The following HOXA1 variants were observed in gnomAD, a reference collection of about 807,000 sequenced individuals.
HOXA1 encodes homeobox A1.
Under a neutral mutation model 28.3 loss-of-function variants are expected in HOXA1, and 21 were observed. The ratio of observed to expected loss-of-function variants is 0.74; its 90% confidence interval spans 0.53 to 1.07. The LOEUF (loss-of-function observed/expected upper bound fraction) is 1.07. Among genes scored for constraint, HOXA1 ranks in the 50% least tolerant of loss-of-function variants. The probability of loss-of-function intolerance (pLI) is 0.00; values close to 1 mark genes in which losing one functional copy is unlikely to be tolerated. For missense variants in HOXA1, 446 were observed against 434.3 expected, an observed-to-expected ratio of 1.03 and a Z score of -0.24; for synonymous variants, 208 against 181.2, an observed-to-expected ratio of 1.15 and a Z score of -1.19.
chr7:27,094,748 T>C lies in HOXA1; in HGVS notation c.700A>G (p.Thr234Ala), dbSNP rs1397442564. 2 of 1,613,968 alleles carry C rather than the reference T, an allele frequency of 1.2e-6. No homozygotes were observed. ...GTGAGCTGCTTGGTAGTGAAGTTGG[T>C]GCGCACCGCGTTGGGTTGACCCAGG... ...GYLGQPNAVR[T>A]NFTTKQLTEL... Residue 234 changes from threonine to alanine, a missense_variant, in exon 2 of 2, where the codon ACC becomes GCC. Physicochemically the swap from Thr to Ala is moderately conservative, Grantham distance 58. Transcript: ENST00000643460.
intron 1 of HOXA1, among the ~76,000 whole-genome samples, chr7:27,095,040 C>T (rs544078580): frequency 6.6e-6 from 1 of 152,206 alleles, no homozygotes; most frequent in South Asian, 2.1e-4. Flanking sequence ...ATAACCACCC[C>T]CACATACTTC....
At position 27,095,561 on chromosome 7, in the gene HOXA1, C is replaced by T; in HGVS notation, c.352G>A (p.Asp118Asn). Reference sequence around the variant, plus strand: ...CACTGGGGGTACCCACCACTTACGTCTGCTTCCTGATTTAACGCGTAGGGG... The same window carrying T: ...CACTGGGGGTACCCACCACTTACGTTTGCTTCCTGATTTAACGCGTAGGGG... ...YSPYALNQEA[D>N]VSGGYPQCAP... The change falls in exon 1 of 2, where the codon GAC becomes AAC. Residue 118 changes from aspartate to asparagine, a missense_variant. By Grantham distance (23) the Asp-to-Asn change is conservative. Coordinates refer to ENST00000643460, the MANE Select transcript of HOXA1 (RefSeq NM_005522.5). 6.2e-7 allele frequency: 1 copy of T among 1,614,182 alleles called. No individual in the cohort carries two copies. Among genetic ancestry groups the T allele is most frequent in the South Asian group, 1.1e-5 (1 of 91,082 alleles).
rs761181029 is a variant in HOXA1 at position 27,095,534 on chromosome 7, C to G, written c.379G>C (p.Ala127Pro). ...AGATTTCCAGAGTAAACAGCGGGAG[C>G]GCACTGGGGGTACCCACCACTTACG... ...ADVSGGYPQCAPAVYSGNLSS... is the reference protein window; with the variant it reads ...ADVSGGYPQCPPAVYSGNLSS... Residue 127 changes from alanine (A) to proline (P), a missense_variant, in exon 1 of 2, where the codon GCT (alanine) becomes CCT (proline). Physicochemically the swap from Ala to Pro is conservative, Grantham distance 27. Transcript: ENST00000643460. 1.4e-5 allele frequency: 22 copies of G among 1,613,966 alleles called. No homozygotes were observed. In the South Asian group the frequency reaches 2.2e-4, roughly 16 times the overall value.
chr7:27,095,942 C>G lies in HOXA1; in HGVS notation c.-30G>C, dbSNP rs752271771. ...CACTGAGTGACCTGGTCCTGCGAAG[C>G]CCGGCGTGACTGTGCCAACTTTCTC... On this transcript the variant is annotated 5_prime_UTR_variant, in exon 1 of 2. Transcript: ENST00000643460. The G allele has an allele frequency of 2.5e-5, 40 of 1,606,534 alleles. No homozygotes were observed. The South Asian group carries it at 4.4e-4, about 18-fold the overall frequency.
Position 27,095,703 on chromosome 7 carries a change from G to A in HOXA1, c.210C>T (p.His70=), listed in dbSNP as rs199620262. The change falls in exon 1 of 2, where the codon CAC becomes CAT. Residue 70 remains histidine, a synonymous_variant. Transcript: ENST00000643460. ...TAGCCGGCTGGGGGTGGCGATGGTG[G>A]TGGTGGTGGTGGTGGTGGGGCGAAC... ...QIGSPHHHHH[H]HHRHPQPATY... is the part of the protein sequence containing the mutation. 841 of 1,567,694 alleles carry A rather than the reference G, an allele frequency of 5.4e-4. 4 individuals are homozygous for A. Among genetic ancestry groups the A allele is most frequent in the East Asian group, 3.7e-3 (160 of 43,814 alleles).
chr7:27,095,754 G>A lies in HOXA1; in HGVS notation c.159C>T (p.Phe53=). 1 of 1,613,150 alleles carries A rather than the reference G, an allele frequency of 6.2e-7. No individual in the cohort carries two copies. Among genetic ancestry groups the A allele is most frequent in the Non-Finnish European group, 8.5e-7 (1 of 1,179,508 alleles). ...CGATCTGCACCCCCCTGCCCACTAG[G>A]AAGCGGTCGTCGCCGCCGCAACTGT... The part of the protein sequence containing the change: ...SANSCGGDDR[F]LVGRGVQIGS... Residue 53 remains phenylalanine, a synonymous_variant, in exon 1 of 2, where the codon TTC becomes TTT. Transcript: ENST00000643460.
At position 27,095,917 on chromosome 7, in the gene HOXA1, C is replaced by A; in HGVS notation, c.-5G>T. On this transcript the variant is annotated 5_prime_UTR_variant, in exon 1 of 2. An upstream open reading frame in the 5' UTR loses its in-frame stop. Coordinates refer to ENST00000643460, the MANE Select transcript of HOXA1 (RefSeq NM_005522.5). ...GTTCATTCTTGCATTGTCCATCTGT[C>A]ACTGAGTGACCTGGTCCTGCGAAGC... is the stretch of plus-strand genomic sequence containing the variant. 2 of 1,613,038 alleles carry A rather than the reference C, an allele frequency of 1.2e-6. No individual in the cohort carries two copies.
Position 27,095,490 on chromosome 7 carries a change from C to T in HOXA1, c.423G>A (p.Gln141=), listed in dbSNP as rs1299300346. ...CATAACCCTGGTGGTGGTGGTGATGCTGGACCATGGGAGATGAGAGATTTC... is the reference window on the plus strand; with the variant it reads ...CATAACCCTGGTGGTGGTGGTGATGTTGGACCATGGGAGATGAGAGATTTC... The part of the protein sequence containing the change: ...YSGNLSSPMV[Q]HHHHHQGYAG... The change falls in exon 1 of 2, where the codon CAG becomes CAA. Residue 141 remains glutamine, a synonymous_variant. Transcript: ENST00000643460. 8 of 1,613,906 alleles carry T rather than the reference C, an allele frequency of 5.0e-6. No individual in the cohort carries two copies. Among genetic ancestry groups the T allele is most frequent in the Non-Finnish European group, 5.9e-6 (7 of 1,179,994 alleles).
At position 27,093,580 on chromosome 7, in the gene HOXA1, A is replaced by C. The variant is rs1453788931; in HGVS notation, c.*860T>G. ...ATTGAGCTGAAAATACATTATATCCAGCTAAGATAACTGTGGAAGGAAGAA... is the reference window on the plus strand; with the variant it reads ...ATTGAGCTGAAAATACATTATATCCCGCTAAGATAACTGTGGAAGGAAGAA... On this transcript the variant is annotated 3_prime_UTR_variant, in exon 2 of 2. Transcript: ENST00000643460. 6.6e-6 allele frequency: 1 copy of C among 152,648 alleles called. No individual in the cohort carries two copies. Among genetic ancestry groups the C allele is most frequent in the Non-Finnish European group, 1.5e-5 (1 of 68,038 alleles). 9.5% of individuals were successfully genotyped at this position (152,648 alleles called of 1,614,324 possible). A position where few individuals can be genotyped will look rare whatever the true frequency, so the allele number is the denominator to read the frequency against.
intron 1 of HOXA1, 162 bp downstream of exon 1, chr7:27,095,099 C>G: frequency 1.3e-6 from 1 of 776,248 alleles, no homozygotes; most frequent in African/African-American, 1.7e-5. Flanking sequence ...ATCCCTGAGA[C>G]TTCTTTGCCC....
chr7:27,094,410 C>G lies in HOXA1; in HGVS notation c.*30G>C, dbSNP rs767366254. 3 of 1,470,346 alleles carry G rather than the reference C, an allele frequency of 2.0e-6. No homozygotes were observed. In the South Asian group the frequency reaches 3.4e-5, roughly 17 times the overall value. 91.1% of individuals were successfully genotyped at this position (1,470,346 alleles called of 1,614,324 possible). On this transcript the variant is annotated 3_prime_UTR_variant, in exon 2 of 2. Coordinates refer to ENST00000643460, the MANE Select transcript of HOXA1 (RefSeq NM_005522.5). The stretch of plus-strand genomic sequence containing the variant: ...TAAGAAGTCCCAGCCCAAGGAGATG[C>G]CTGGGCTGTTGTCTGGGGCTGGAGC...
Position 27,095,352 on chromosome 7 carries a change from G to T in HOXA1, c.561C>A (p.His187Gln), listed in dbSNP as rs1370178145. Residue 187 changes from histidine (H) to glutamine (Q), a missense_variant, in exon 1 of 2, where the codon CAC becomes CAA. His to Gln is a conservative substitution (Grantham distance 24). Coordinates refer to ENST00000643460, the MANE Select transcript of HOXA1 (RefSeq NM_005522.5). The stretch of plus-strand genomic sequence containing the variant: ...ATGCGGGGGAGCGACAGGCTTCTTG[G>T]TGGCTGGCGTGGAGAGGGGACAAGG... ...NNSLSPLHAS[H>Q]QEACRSPASE... 1 of 1,613,940 alleles carries T rather than the reference G, an allele frequency of 6.2e-7. No homozygotes were observed. The highest frequency in any genetic ancestry group is 8.5e-7 in the Non-Finnish European group (1 of 1,180,030).
In HOXA1 at chr7:27,093,506, C is replaced by G. The variant is rs1171872936; in HGVS notation, c.*934G>C. The G allele has an allele frequency of 3.3e-5, 5 of 152,754 alleles. No individual in the cohort carries two copies. In the East Asian group the frequency reaches 9.6e-4, roughly 29 times the overall value. The allele number at this position is 152,754 out of a possible 1,614,324, so 9.5% of individuals were successfully genotyped here. A position where few individuals can be genotyped will look rare whatever the true frequency, so the allele number is the denominator to read the frequency against. ...ATTGTGCGACATGCAAAAGACTATT[C>G]ACGAATAACACAAAATATACATTCA... On this transcript the variant is annotated 3_prime_UTR_variant, in exon 2 of 2. Transcript: ENST00000643460.
chr7:27,094,881 C>A, intron 1 of HOXA1, 86 bp from the exon 2 acceptor site: 1 of 1,005,098 alleles, frequency 9.9e-7, no homozygotes, highest in Non-Finnish European at 1.5e-6. Flanking sequence ...TGGCAACACT[C>A]AGGTAAAGAA....
rs902455204 is a variant in HOXA1 at position 27,094,884 on chromosome 7, G to A, written c.653-89C>T. On this transcript the variant is annotated intron_variant, in intron 1 of 1. Transcript: ENST00000643460. Reference sequence around the variant, plus strand: ...CCACACGCTTCATGGCAACACTCAGGTAAAGAAAAGATCAAGAACTCAGCA... The same window carrying A: ...CCACACGCTTCATGGCAACACTCAGATAAAGAAAAGATCAAGAACTCAGCA... 15 of 972,600 alleles carry A rather than the reference G, an allele frequency of 1.5e-5. No individual in the cohort carries two copies. In the African/African-American group the frequency reaches 2.4e-4, roughly 16 times the overall value. 60.2% of individuals were successfully genotyped at this position (972,600 alleles called of 1,614,324 possible). A position where few individuals can be genotyped will look rare whatever the true frequency, so the allele number is the denominator to read the frequency against.
chr7:27,095,686 TG>T lies in HOXA1; in HGVS notation c.226del (p.Gln76SerfsTer38). The T allele has an allele frequency of 6.2e-7, 1 of 1,611,494 alleles. No homozygotes were observed. Among genetic ancestry groups the T allele is most frequent in the Non-Finnish European group, 8.5e-7 (1 of 1,178,890 alleles). ...HHHHHHHRHPQPATYQTSGNL... is the reference protein window; with the variant it reads ...HHHHHHHRHPXPATYQTSGNL... ...CCCGGAAGTCTGGTAGGTAGCCGGC[TG>T]GGGGTGGCGATGGTGGTGGTGGTGG... is the stretch of plus-strand genomic sequence containing the variant. On this transcript the variant is annotated frameshift_variant, in exon 1 of 2. Transcript: ENST00000643460. LOFTEE classifies it high-confidence loss of function.
Position 27,095,533 on chromosome 7 carries a change from G to T in HOXA1, c.380C>A (p.Ala127Asp). The change falls in exon 1 of 2, where the codon GCT (alanine) becomes GAT (aspartate). Residue 127 changes from alanine to aspartate, a missense_variant. Coordinates refer to ENST00000643460, the MANE Select transcript of HOXA1 (RefSeq NM_005522.5). ...GAGATTTCCAGAGTAAACAGCGGGAGCGCACTGGGGGTACCCACCACTTAC... is the reference window on the plus strand; with the variant it reads ...GAGATTTCCAGAGTAAACAGCGGGATCGCACTGGGGGTACCCACCACTTAC... ...ADVSGGYPQC[A>D]PAVYSGNLSS... 6.2e-7 allele frequency: 1 copy of T among 1,614,152 alleles called. No individual in the cohort carries two copies. Among genetic ancestry groups the T allele is most frequent in the Non-Finnish European group, 8.5e-7 (1 of 1,180,038 alleles).
rs774571221 is a variant in HOXA1 at position 27,094,578 on chromosome 7, C to G, written c.870G>C (p.Glu290Asp). ...TGGCCGGAGAGATGGGCAAGAGACC[C>G]TCCTTCTCACGTTTCTTTTGCTTCA... ...RRMKQKKREKEGLLPISPATP... is the reference protein window; with the variant it reads ...RRMKQKKREKDGLLPISPATP... Residue 290 changes from glutamate (E) to aspartate (D), a missense_variant, in exon 2 of 2, where the codon GAG becomes GAC. Physicochemically the swap from Glu to Asp is conservative, Grantham distance 45. Coordinates refer to ENST00000643460, the MANE Select transcript of HOXA1 (RefSeq NM_005522.5). 1.2e-6 allele frequency: 2 copies of G among 1,614,186 alleles called. No homozygotes were observed. The highest frequency in any genetic ancestry group is 3.3e-5 in the Admixed American group (2 of 60,024).
chr7:27,094,342 G>T lies in HOXA1; in HGVS notation c.*98C>A. The T allele has an allele frequency of 1.2e-6, 1 of 856,880 alleles. No individual in the cohort carries two copies. Among genetic ancestry groups the T allele is most frequent in the Non-Finnish European group, 2.0e-6 (1 of 502,302 alleles). 53.1% of individuals were successfully genotyped at this position (856,880 alleles called of 1,614,324 possible). A position where few individuals can be genotyped will look rare whatever the true frequency, so the allele number is the denominator to read the frequency against. On this transcript the variant is annotated 3_prime_UTR_variant, in exon 2 of 2. Coordinates refer to ENST00000643460, the MANE Select transcript of HOXA1 (RefSeq NM_005522.5). ...AGATAGGATTAGAAAGGAAGAAAGA[G>T]ACTGTAAATGGAAAGAAAGATAAGC...
Sources: allele counts gnomAD v4.1 joint callset (sites outside exome capture counted in the v4.1 genomes callset), GRCh38; gene constraint gnomAD v4.1.1; transcripts MANE v1.5; gene names NCBI Gene and HGNC (gene_info 2026-07-23, HGNC 2026-07-21).